MAP7: variants seen among roughly 807,000 people sequenced by gnomAD.
MAP7 encodes microtubule associated protein 7, also known as ensconsin.
MAP7 carries 52 observed loss-of-function variants against 94.8 expected under a neutral mutation model. The observed-to-expected ratio is 0.55, with a 90% CI of 0.44 to 0.69. The LOEUF (loss-of-function observed/expected upper bound fraction) is 0.69, where lower values mean the gene tolerates loss of function less well. Ranked by LOEUF, MAP7 falls within the 30% of genes least tolerant of loss-of-function variation. MAP7 has a pLI of 0.00. For synonymous variants in MAP7, 350 were observed against 357.0 expected (o/e 0.98, Z 0.22); for missense variants, 940 against 964.6 (o/e 0.97, Z 0.34).
At chr6:136,483,432 CAAT>C (rs900857405) in intron 1 of MAP7, among the ~76,000 whole-genome samples, 1 of 151,968 alleles carries the variant, frequency 6.6e-6, no homozygotes, top group Non-Finnish European at 1.5e-5. Context: ...CCTGGTGACA[CAAT>C]AATCTATATA....
At chr6:136,522,461 G>A (rs1267011356) in intron 1 of MAP7, among the ~76,000 whole-genome samples, 1 of 152,036 alleles carries the variant, frequency 6.6e-6, no homozygotes, top group Non-Finnish European at 1.5e-5. Context: ...TGAGTTATTT[G>A]ATGTTTGCCC....
In MAP7 at chr6:136,472,858, A is replaced by T. The variant is rs576449557; in HGVS notation, c.68-51059T>A. Reference sequence around the variant, plus strand: ...TAAAAAAAAAATAAATAAAAATAAAAAAATTAAAAAAACAGCTCAAGTAGC... The same window carrying T: ...TAAAAAAAAAATAAATAAAAATAAATAAATTAAAAAAACAGCTCAAGTAGC... On this transcript the variant is annotated intron_variant, in intron 1 of 17. Coordinates refer to ENST00000354570, the MANE Select transcript of MAP7 (RefSeq NM_003980.6). Among the ~76,000 whole-genome samples, 24 of 152,246 alleles carry T rather than the reference A, an allele frequency of 1.6e-4. No homozygotes were observed. In the South Asian group the frequency reaches 3.9e-3, roughly 25 times the overall value.
In MAP7 at chr6:136,496,344, T is replaced by C. The variant is rs1468784815; in HGVS notation, c.67+53998A>G. On this transcript the variant is annotated intron_variant, in intron 1 of 17. Transcript: ENST00000354570. ...TCCTCTCACATCCCTCATTCCTTTA[T>C]GTCATACAACTAATAAATGGATAGG... Among the ~76,000 whole-genome samples, 5 of 152,308 alleles carry C rather than the reference T, an allele frequency of 3.3e-5. 1 individual carries two copies. The South Asian group carries it at 1.0e-3, about 32-fold the overall frequency.
chr6:136,520,823 T>C (rs569737179), intron 1 of MAP7, among the ~76,000 whole-genome samples: 1 of 152,228 alleles, frequency 6.6e-6, no homozygotes, highest in East Asian at 1.9e-4. Flanking sequence ...AAGAACATGA[T>C]GGAGCAGGCA....
intron 1 of MAP7, among the ~76,000 whole-genome samples, chr6:136,506,344 A>T (rs1821509903): frequency 2.0e-5 from 3 of 152,110 alleles, no homozygotes; most frequent in Admixed American, 2.0e-4. Context: ...AGGTCACTAA[A>T]TAGCTGGAAC....
chr6:136,510,057 C>T (rs538157135), intron 1 of MAP7, among the ~76,000 whole-genome samples: 3 of 152,218 alleles, frequency 2.0e-5, no homozygotes, highest in Admixed American at 2.0e-4. Context: ...CAAAAATTAG[C>T]TAGGTGTGGT....
chr6:136,432,382 T>G (rs1408066096), intron 1 of MAP7, among the ~76,000 whole-genome samples: 2 of 152,192 alleles, frequency 1.3e-5, no homozygotes, highest in African/African-American at 2.4e-5. Flanking sequence ...TTCGTTATAT[T>G]AAAGCAGAGC....
At chr6:136,495,144 G>A (rs540379371) in intron 1 of MAP7, among the ~76,000 whole-genome samples, 85 of 152,130 alleles carry the variant, frequency 5.6e-4, no homozygotes, top group African/African-American at 1.8e-3. Context: ...TTCTATCTCC[G>A]TTGAATCTCT....
chr6:136,369,901 G>A (rs1008354223), intron 8 of MAP7, among the ~76,000 whole-genome samples: 22 of 152,138 alleles, frequency 1.4e-4, no homozygotes, highest in Non-Finnish European at 2.9e-4. Context: ...AGGCAATAAA[G>A]TGTCAATAAA....
intron 1 of MAP7, among the ~76,000 whole-genome samples, chr6:136,431,730 C>G (rs1582894052): frequency 6.6e-6 from 1 of 152,120 alleles, no homozygotes; most frequent in African/African-American, 2.4e-5. Context: ...CTTGGTAAAG[C>G]TGATCTTGAA....
At chr6:136,437,251 A>G (rs535855076) in intron 1 of MAP7, among the ~76,000 whole-genome samples, 3 of 152,282 alleles carry the variant, frequency 2.0e-5, no homozygotes, top group Admixed American at 6.5e-5. Context: ...TAGAGAAGCA[A>G]TTCCATCTCA....
chr6:136,524,061 G>A (rs1721934746), intron 1 of MAP7, among the ~76,000 whole-genome samples: 1 of 151,930 alleles, frequency 6.6e-6, no homozygotes, highest in Non-Finnish European at 1.5e-5. Context: ...CAATAATGGT[G>A]AAACCCCGTC....
At chr6:136,363,620 C>G (rs1213967986) in intron 10 of MAP7, among the ~76,000 whole-genome samples, 2 of 152,150 alleles carry the variant, frequency 1.3e-5, no homozygotes, top group African/African-American at 4.8e-5. Flanking sequence ...CAAATTAAGT[C>G]TTTTGAATGA....
At chr6:136,479,228 G>A (rs542047932) in intron 1 of MAP7, among the ~76,000 whole-genome samples, 19 of 151,952 alleles carry the variant, frequency 1.3e-4, no homozygotes, top group Non-Finnish European at 2.5e-4. Flanking sequence ...CAAACTCAAC[G>A]TGATACATCA....
At chr6:136,440,959 C>G (rs1797685513) in intron 1 of MAP7, among the ~76,000 whole-genome samples, 1 of 152,144 alleles carries the variant, frequency 6.6e-6, no homozygotes, top group African/African-American at 2.4e-5. Flanking sequence ...CTCTCTGTGC[C>G]TGGTGTATTT....
At chr6:136,453,792 C>A (rs1421826940) in intron 1 of MAP7, among the ~76,000 whole-genome samples, 1 of 152,114 alleles carries the variant, frequency 6.6e-6, no homozygotes, top group Non-Finnish European at 1.5e-5. Flanking sequence ...GGTAAAATAA[C>A]ATGAACTTTT....
chr6:136,459,058 A>C (rs1804315450), intron 1 of MAP7, among the ~76,000 whole-genome samples: 3 of 152,046 alleles, frequency 2.0e-5, no homozygotes, highest in African/African-American at 7.2e-5. Flanking sequence ...CAACAATAAA[A>C]CCAAATAATC....
At chr6:136,393,328 G>A (rs909397806) in intron 3 of MAP7, among the ~76,000 whole-genome samples, 1 of 152,096 alleles carries the variant, frequency 6.6e-6, no homozygotes, top group Non-Finnish European at 1.5e-5. Flanking sequence ...TTTTGAGAAG[G>A]CATACTCATA....
intron 3 of MAP7, among the ~76,000 whole-genome samples, chr6:136,393,381 AG>A (rs984016056): frequency 6.6e-6 from 1 of 152,142 alleles, no homozygotes; most frequent in Non-Finnish European, 1.5e-5. Flanking sequence ...TGTGGGGGGA[AG>A]GGGAAAATGT....
Sources: allele counts gnomAD v4.1 joint callset (sites outside exome capture counted in the v4.1 genomes callset), GRCh38; gene constraint gnomAD v4.1.1; transcripts MANE v1.5; gene names NCBI Gene and HGNC (gene_info 2026-07-23, HGNC 2026-07-21).